Variants in GPR132 observed in about 807,000 individuals in gnomAD.
GPR132 encodes the protein G protein-coupled receptor 132, also known as probable G protein-coupled receptor 132.
Under a neutral mutation model 1.9 loss-of-function variants are expected in GPR132, and 4 were observed. The observed-to-expected ratio is 2.13, with a 90% CI of 1.05 to 4.87. GPR132 has a LOEUF of 4.87. Among genes scored for constraint, GPR132 ranks in the 30% most tolerant of loss-of-function variants. The probability of loss-of-function intolerance (pLI) is 0.01; values close to 1 mark genes in which losing one functional copy is unlikely to be tolerated. For missense variants in GPR132, 404 were observed against 512.5 expected (o/e 0.79, Z 2.04); for synonymous variants, 233 against 234.2 (o/e 0.99, Z 0.05).
In GPR132 at chr14:105,050,983, A is replaced by G; in HGVS notation, c.*11T>C. On this transcript the variant is annotated 3_prime_UTR_variant, in exon 4 of 4. Transcript: ENST00000329797. The surrounding 1 kb of genome is among the most constrained non-coding windows in gnomAD (Gnocchi z 4.0). ...ACCCCCAACCTGCCATCCCCCTGCC[A>G]CACAGTGGGCTCAGCAGGACTCCTC... The G allele has an allele frequency of 1.2e-6, 2 of 1,603,546 alleles. No homozygotes were observed. The highest frequency in any genetic ancestry group is 1.7e-6 in the Non-Finnish European group (2 of 1,171,408).
At chr14:105,053,144 A>C (rs1886696321) in intron 3 of GPR132, among the ~76,000 whole-genome samples, 1 of 133,776 alleles carries the variant, frequency 7.5e-6, no homozygotes, top group Admixed American at 7.7e-5. Context: ...CCTAACCTGT[A>C]GTCTTTTTTT....
At chr14:105,052,131 G>T (rs751460328) in intron 3 of GPR132, 29 bp from the exon 4 acceptor site, 10 of 1,517,102 alleles carry the variant, frequency 6.6e-6, no homozygotes, top group Non-Finnish European at 7.9e-6. Flanking sequence ...AGTGAGGACG[G>T]GAGTCCCTGG....
At position 105,051,750 on chromosome 14, in the gene GPR132, G is replaced by A. The variant is rs753226208; in HGVS notation, c.387C>T (p.Ser129=). 1 of 1,614,186 alleles carries A rather than the reference G, an allele frequency of 6.2e-7. No homozygotes were observed. Among genetic ancestry groups the A allele is most frequent in the Non-Finnish European group, 8.5e-7 (1 of 1,180,050 alleles). ...AGGAGATGCAGCACAGGAAGAGGAT[G>A]CTGACGTAGATGTTGCAGAAGAAGA... ...AYIFFCNIYV[S]ILFLCCISCD... is the part of the protein sequence containing the mutation. Residue 129 remains serine (S), a synonymous_variant, in exon 4 of 4, where the codon AGC becomes AGT. Coordinates refer to ENST00000329797, the MANE Select transcript of GPR132 (RefSeq NM_013345.4). This position sits in a 1 kb window ranked among gnomAD's most constrained non-coding sequence, Gnocchi z 8.0.
intron 3 of GPR132, chr14:105,054,020 T>C (rs1274322614): frequency 7.8e-7 from 1 of 1,286,578 alleles, no homozygotes; most frequent in African/African-American, 1.5e-5. Context: ...TGGTGTGACT[T>C]CCCCAAGCTC....
rs1219284528 is a variant in GPR132 at position 105,050,313 on chromosome 14, A to G, written c.*681T>C. On this transcript the variant is annotated 3_prime_UTR_variant, in exon 4 of 4. Transcript: ENST00000329797. This position sits in a 1 kb window ranked among gnomAD's most constrained non-coding sequence, Gnocchi z 4.0. Reference sequence around the variant, plus strand: ...CTTGCCTCTGCTGTGGCTGTGTCACACCTGTCCTGCCAACTGTTGTTCTGG... The same window carrying G: ...CTTGCCTCTGCTGTGGCTGTGTCACGCCTGTCCTGCCAACTGTTGTTCTGG... 1 of 152,866 alleles carries G rather than the reference A, an allele frequency of 6.5e-6. No homozygotes were observed. The highest frequency in any genetic ancestry group is 1.5e-5 in the Non-Finnish European group (1 of 68,614). 9.5% of individuals were successfully genotyped at this position (152,866 alleles called of 1,614,324 possible).
chr14:105,064,482 T>A (rs1163469380), intron 1 of GPR132, among the ~76,000 whole-genome samples: 1 of 152,066 alleles, frequency 6.6e-6, no homozygotes, highest in East Asian at 1.9e-4. Flanking sequence ...TACAGACGTG[T>A]GCCAACACGC....
Position 105,050,808 on chromosome 14 carries a change from G to A in GPR132, c.*186C>T. The stretch of plus-strand genomic sequence containing the variant: ...GAGGTGTCGCTCCTCCCCTTGGCAT[G>A]CAGCCACCTTCCATGTGGGAAAGCC... On this transcript the variant is annotated 3_prime_UTR_variant, in exon 4 of 4. Transcript: ENST00000329797. This position sits in a 1 kb window ranked among gnomAD's most constrained non-coding sequence, Gnocchi z 4.0. 1.6e-6 allele frequency: 1 copy of A among 612,128 alleles called. No individual in the cohort carries two copies. The highest frequency in any genetic ancestry group is 2.8e-6 in the Non-Finnish European group (1 of 355,006). The allele number at this position is 612,128 out of a possible 1,614,324, so 37.9% of individuals were successfully genotyped here.
At chr14:105,064,303 C>A (rs897275211) in intron 1 of GPR132, among the ~76,000 whole-genome samples, 24 of 152,158 alleles carry the variant, frequency 1.6e-4, no homozygotes, top group African/African-American at 5.8e-4. Context: ...CCAGCTCCAA[C>A]CTCCCTGCTC....
Position 105,051,141 on chromosome 14 carries a change from CTTCATGG to C in GPR132, c.989_995del (p.Ser330Ter), listed in dbSNP as rs1411289116. Reference sequence around the variant, plus strand: ...TGTGGGTGAGCCTGGTGACGTCTGTCTTCATGGACCACTCTTTCCACCCCTTATGGAT... The same window carrying C: ...TGTGGGTGAGCCTGGTGACGTCTGTCACCACTCTTTCCACCCCTTATGGAT... On this transcript the variant is annotated frameshift_variant, in exon 4 of 4. Transcript: ENST00000329797. LOFTEE classifies it low-confidence loss of function (END_TRUNC). The surrounding 1 kb of genome is among the most constrained non-coding windows in gnomAD (Gnocchi z 8.0). The C allele has an allele frequency of 6.2e-7, 1 of 1,614,228 alleles. No individual in the cohort carries two copies. The highest frequency in any genetic ancestry group is 8.5e-7 in the Non-Finnish European group (1 of 1,180,042).
chr14:105,063,043 G>A (rs1436953664), intron 1 of GPR132, among the ~76,000 whole-genome samples: 5 of 151,966 alleles, frequency 3.3e-5, no homozygotes, highest in Non-Finnish European at 5.9e-5. Context: ...CCTCCCTTCC[G>A]AGTAACTGGG....
At chr14:105,052,177 GGATAGAAGC>G in intron 3 of GPR132, 75 bp from the exon 4 acceptor site, 1 of 1,268,488 alleles carries the variant, frequency 7.9e-7, no homozygotes, top group Non-Finnish European at 1.1e-6. Context: ...TGGGAAGAAA[GGATAGAAGC>G]TTTGTGGTAG....
chr14:105,058,372 A>C (rs1238080707), intron 1 of GPR132, among the ~76,000 whole-genome samples: 2 of 152,214 alleles, frequency 1.3e-5, no homozygotes, highest in East Asian at 3.8e-4. Context: ...GAAAAAAGAA[A>C]AGCTCCTAAA....
intron 3 of GPR132, 138 bp from the exon 4 acceptor site, chr14:105,052,240 A>G (rs1212312908): frequency 1.6e-6 from 1 of 630,770 alleles, no homozygotes; most frequent in Non-Finnish European, 2.6e-6. Flanking sequence ...TTCCAAATTG[A>G]TTTTTTAGAG....
rs758151300 is a variant in GPR132, at chr14:105,051,921, C to A, written c.216G>T (p.Leu72=). ...GGTAGACGGCCAGCACGTTGCCCTGCAGTACCTGCAGCAGCGCCAGCCACG... is the reference window on the plus strand; with the variant it reads ...GGTAGACGGCCAGCACGTTGCCCTGAAGTACCTGCAGCAGCGCCAGCCACG... ...LTAWLALLQV[L]QGNVLAVYLL... is the part of the protein sequence containing the mutation. The change falls in exon 4 of 4, where the codon CTG becomes CTT. Residue 72 remains leucine, a synonymous_variant. Transcript: ENST00000329797. This position sits in a 1 kb window ranked among gnomAD's most constrained non-coding sequence, Gnocchi z 8.0. The A allele has an allele frequency of 6.2e-7, 1 of 1,613,528 alleles. No individual in the cohort carries two copies. Among genetic ancestry groups the A allele is most frequent in the Admixed American group, 1.7e-5 (1 of 60,024 alleles).
chr14:105,050,895 G>T lies in GPR132; in HGVS notation c.*99C>A. On this transcript the variant is annotated 3_prime_UTR_variant, in exon 4 of 4. Coordinates refer to ENST00000329797, the MANE Select transcript of GPR132 (RefSeq NM_013345.4). The surrounding 1 kb of genome is among the most constrained non-coding windows in gnomAD (Gnocchi z 4.0). Reference sequence around the variant, plus strand: ...CGAGAAATTGGTAGTTTGTCTTCCAGAGGGGACATGGGCACTGTGGCTGGT... The same window carrying T: ...CGAGAAATTGGTAGTTTGTCTTCCATAGGGGACATGGGCACTGTGGCTGGT... 9.0e-7 allele frequency: 1 copy of T among 1,114,694 alleles called. No homozygotes were observed. The allele number at this position is 1,114,694 out of a possible 1,614,324, so 69.1% of individuals were successfully genotyped here. A position where few individuals can be genotyped will look rare whatever the true frequency, so the allele number is the denominator to read the frequency against.
intron 1 of GPR132, among the ~76,000 whole-genome samples, chr14:105,064,151 A>G (rs1224969219): frequency 6.6e-6 from 1 of 151,362 alleles, no homozygotes; most frequent in Non-Finnish European, 1.5e-5. Flanking sequence ...ATTGCCTGTA[A>G]TTTCTAAGCT....
chr14:105,057,473 T>A, intron 1 of GPR132, 193 bp from the exon 2 acceptor site: 9 of 327,590 alleles, frequency 2.7e-5, no homozygotes, highest in East Asian at 6.1e-5. Context: ...CCAACAGGCA[T>A]CAAAACGTCA....
At chr14:105,052,784 CTG>C (rs2140927935) in intron 3 of GPR132, among the ~76,000 whole-genome samples, 1 of 151,642 alleles carries the variant, frequency 6.6e-6, no homozygotes, top group East Asian at 2.0e-4. Flanking sequence ...TGGAGAAACC[CTG>C]TCTCTACTAA....
At chr14:105,063,408 C>G (rs1186491403) in intron 1 of GPR132, among the ~76,000 whole-genome samples, 1 of 150,690 alleles carries the variant, frequency 6.6e-6, no homozygotes, top group Non-Finnish European at 1.5e-5. Flanking sequence ...GAGTTTCTCT[C>G]TCGTTGCCCA....
Sources: gnomAD v4.1 joint callset for allele counts (sites outside exome capture counted in the v4.1 genomes callset) on GRCh38, gnomAD v4.1.1 for gene constraint, Gnocchi (gnomAD v3.1) non-coding constraint, MANE v1.5 for transcripts, NCBI Gene and HGNC (gene_info 2026-07-23, HGNC 2026-07-21) for gene names.